The following MYO9A variants were observed in gnomAD, a reference collection of about 807,000 sequenced individuals.
The protein encoded by MYO9A is unconventional myosin-IXa.
MYO9A carries 103 observed loss-of-function variants against 293.3 expected under a neutral mutation model. The observed-to-expected ratio is 0.35, with a 90% CI of 0.30 to 0.41. The LOEUF (loss-of-function observed/expected upper bound fraction) is 0.41. Ranked by LOEUF, MYO9A falls within the 10% of genes least tolerant of loss-of-function variation. MYO9A has a pLI of 1.00. For synonymous variants in MYO9A, 1,001 were observed against 1,035.7 expected (o/e 0.97, Z 0.64); for missense variants, 2,685 against 3,033.0 (o/e 0.89, Z 2.69).
intron 6 of MYO9A, among the ~76,000 whole-genome samples, chr15:72,016,009 A>G (rs1169501756): frequency 6.6e-6 from 1 of 152,126 alleles, no homozygotes; most frequent in Non-Finnish European, 1.5e-5. Context: ...TTAAGGTACA[A>G]TGGCAGACAT....
At chr15:71,998,072 A>G (rs988218163) in intron 9 of MYO9A, among the ~76,000 whole-genome samples, 2 of 152,174 alleles carry the variant, frequency 1.3e-5, no homozygotes, top group Admixed American at 6.5e-5. Context: ...GAATCAACCT[A>G]AATGCTCATC....
At chr15:71,957,313 T>C (rs1042568674) in intron 14 of MYO9A, among the ~76,000 whole-genome samples, 1 of 152,162 alleles carries the variant, frequency 6.6e-6, no homozygotes, top group African/African-American at 2.4e-5. Flanking sequence ...TTTGATTAAA[T>C]TCCAGGGTTC....
At chr15:72,087,611 C>T (rs916750208) in intron 1 of MYO9A, among the ~76,000 whole-genome samples, 2 of 152,124 alleles carry the variant, frequency 1.3e-5, no homozygotes, top group Admixed American at 6.6e-5. Context: ...AGGTTCCTCC[C>T]ACTTCATCCC....
At chr15:71,954,565 G>C (rs552583163) in intron 14 of MYO9A, among the ~76,000 whole-genome samples, 1 of 152,342 alleles carries the variant, frequency 6.6e-6, no homozygotes, top group African/African-American at 2.4e-5. Flanking sequence ...TGCTGGACTG[G>C]TTGTGATGAT....
chr15:72,054,879 G>A (rs2078676037), intron 1 of MYO9A, among the ~76,000 whole-genome samples: 1 of 150,756 alleles, frequency 6.6e-6, no homozygotes, highest in Non-Finnish European at 1.5e-5. Flanking sequence ...GTCAAAGGTG[G>A]ACAGATGTCT....
chr15:71,929,366 T>C (rs2058416084), intron 18 of MYO9A, among the ~76,000 whole-genome samples: 1 of 152,212 alleles, frequency 6.6e-6, no homozygotes. Flanking sequence ...CCTTTTCTTG[T>C]TCCTGATCCT....
At chr15:71,910,102 G>A (rs966097965) in intron 19 of MYO9A, among the ~76,000 whole-genome samples, 10 of 133,928 alleles carry the variant, frequency 7.5e-5, no homozygotes, top group South Asian at 2.3e-4. Flanking sequence ...ATATATATAC[G>A]TATATATATA....
intron 1 of MYO9A, among the ~76,000 whole-genome samples, chr15:72,078,181 C>A (rs753218766): frequency 6.6e-6 from 1 of 152,070 alleles, no homozygotes; most frequent in Admixed American, 6.6e-5. Flanking sequence ...TGGTATTTAC[C>A]CAAATGAGCT....
rs185158518 is a variant in MYO9A, at chr15:72,029,167, C to G, written c.936-1374G>C. ...GTGACTGGGTAAATGAATTCAAAAT[C>G]TGAAGGATTAACCAGAAGGAAAGGA... is the stretch of plus-strand genomic sequence containing the variant. On this transcript the variant is annotated intron_variant, in intron 3 of 41. Coordinates refer to ENST00000356056, the MANE Select transcript of MYO9A (RefSeq NM_006901.4). Among the ~76,000 whole-genome samples, 12 of 152,232 alleles carry G rather than the reference C, an allele frequency of 7.9e-5. No homozygotes were observed. The East Asian group carries it at 1.3e-3, about 17-fold the overall frequency.
chr15:71,858,835 T>C (rs1003451152), intron 34 of MYO9A: 1 of 150,996 alleles, frequency 6.6e-6, no homozygotes, highest in African/African-American at 2.4e-5. Context: ...GCACATGTAC[T>C]CTAGAACTTA....
intron 39 of MYO9A, among the ~76,000 whole-genome samples, chr15:71,834,933 TATGATACTACTACATACACATAATATA>T (rs942636894): frequency 2.0e-5 from 3 of 152,164 alleles, no homozygotes; most frequent in African/African-American, 4.8e-5. Flanking sequence ...ATTGTAGTAG[TATGATACTACTACATACACATAATATA>T]ATGATACTAC....
chr15:71,883,913 C>A (rs936527204), intron 27 of MYO9A, among the ~76,000 whole-genome samples, 177 bp from the exon 28 acceptor site: 2 of 138,426 alleles, frequency 1.4e-5, no homozygotes, highest in African/African-American at 5.2e-5. Context: ...AACTGAAAGG[C>A]GAAAAATTAT....
chr15:71,931,111 G>A (rs1231024325), intron 18 of MYO9A, among the ~76,000 whole-genome samples: 1 of 152,070 alleles, frequency 6.6e-6, no homozygotes, highest in Non-Finnish European at 1.5e-5. Context: ...TTTACACACT[G>A]GCATCACATA....
intron 26 of MYO9A, 34 bp downstream of exon 26, chr15:71,893,645 A>T (rs754333329): frequency 6.6e-7 from 1 of 1,506,010 alleles, no homozygotes; most frequent in Admixed American, 1.7e-5. Context: ...TCTCTTTTGT[A>T]TAGAAGATAG....
Position 72,118,114 on chromosome 15 carries a change from C to T in MYO9A, c.-506G>A. ...ACCCCGCGCACGCGGCCCCGCCCCG[C>T]GCGACTCCCCGGCTGCAGGCGAGCA... On this transcript the variant is annotated 5_prime_UTR_variant, in exon 1 of 42. Coordinates refer to ENST00000356056, the MANE Select transcript of MYO9A (RefSeq NM_006901.4). The T allele has an allele frequency of 2.6e-6, 1 of 386,512 alleles. No individual in the cohort carries two copies. The highest frequency in any genetic ancestry group is 3.7e-5 in the East Asian group (1 of 27,104). 23.9% of individuals were successfully genotyped at this position (386,512 alleles called of 1,614,324 possible).
chr15:71,875,744 T>G (rs777209458), intron 32 of MYO9A, 47 bp downstream of exon 32: 5 of 1,067,526 alleles, frequency 4.7e-6, no homozygotes, highest in Non-Finnish European at 3.8e-6. Context: ...CTCAGACAAC[T>G]GATCTGAAAA....
At chr15:71,890,735 AAT>A (rs2057151529) in intron 26 of MYO9A, 2 of 152,148 alleles carry the variant, frequency 1.3e-5, no homozygotes, top group South Asian at 4.1e-4. Flanking sequence ...TAAAAACTCA[AAT>A]CTCCTTCAAT....
intron 18 of MYO9A, among the ~76,000 whole-genome samples, chr15:71,919,526 C>A (rs1369206400): frequency 6.6e-6 from 1 of 152,010 alleles, no homozygotes; most frequent in Non-Finnish European, 1.5e-5. Context: ...TTCTAAAATA[C>A]TGTCTGGTTT....
intron 28 of MYO9A, 46 bp downstream of exon 28, chr15:71,883,548 T>G: frequency 6.4e-7 from 1 of 1,572,294 alleles, no homozygotes; most frequent in Non-Finnish European, 8.6e-7. Context: ...TCAGAAAGAG[T>G]GAACAGAAAT....
Sources: gnomAD v4.1 joint callset for allele counts (sites outside exome capture counted in the v4.1 genomes callset) on GRCh38, gnomAD v4.1.1 for gene constraint, MANE v1.5 for transcripts, NCBI Gene and HGNC (gene_info 2026-07-23, HGNC 2026-07-21) for gene names.